Variants in RFX8 observed in about 807,000 individuals in gnomAD.
The protein encoded by RFX8 is regulatory factor X8, also known as DNA-binding protein RFX8.
In RFX8, 46 loss-of-function variants were observed where a neutral mutation model predicts 54.6. The ratio of observed to expected loss-of-function variants is 0.84; its 90% CI spans 0.67 to 1.08. The LOEUF (loss-of-function observed/expected upper bound fraction) is 1.08. RFX8 is among the 50% of genes least tolerant of loss of function. The probability of loss-of-function intolerance (pLI) is 0.00; values close to 1 mark genes in which losing one functional copy is unlikely to be tolerated. For missense variants in RFX8, 536 were observed against 562.3 expected (o/e 0.95, Z 0.47); for synonymous variants, 192 against 209.5 (o/e 0.92, Z 0.72).
In RFX8 at chr2:101,437,759, G is replaced by A. The variant is rs538237483; in HGVS notation, c.73-15287C>T. Among the ~76,000 whole-genome samples, 230 of 60,726 alleles carry A rather than the reference G, an allele frequency of 3.8e-3. 1 individual carries two copies. The highest frequency in any genetic ancestry group is 9.3e-3 in the African/African-American group (217 of 23,344). 39.8% of individuals were successfully genotyped at this position (60,726 alleles called of 152,430 possible). ...CCAGATACTGACGTTGATACACTCT[G>A]CTGATCTTAAATTTCCCAAGTTTTA... On this transcript the variant is annotated intron_variant, in intron 2 of 11. Transcript: ENST00000428343.
chr2:101,450,603 C>T lies in RFX8; in HGVS notation c.72+16174G>A, dbSNP rs188952239. 5,272 of 1,485,402 alleles carry T rather than the reference C, an allele frequency of 3.5e-3. 16 individuals are homozygous for T. The highest frequency in any genetic ancestry group is 4.5e-3 in the Admixed American group (230 of 50,710). 92.0% of individuals were successfully genotyped at this position (1,485,402 alleles called of 1,614,324 possible). A position where few individuals can be genotyped will look rare whatever the true frequency, so the allele number is the denominator to read the frequency against. ...AATGATAGCTACTAACCTGTGATAC[C>T]TTTTTTCACCTATCAGGTAGCAATA... On this transcript the variant is annotated intron_variant, in intron 2 of 11. Coordinates refer to ENST00000428343, the MANE Select transcript of RFX8 (RefSeq NM_001145664.2).
intron 6 of RFX8, among the ~76,000 whole-genome samples, chr2:101,415,300 C>T (rs931777982): frequency 1.5e-4 from 23 of 152,184 alleles, no homozygotes; most frequent in Admixed American, 3.3e-4. Context: ...CAGAGAGACC[C>T]CTTGCCTCTT....
intron 2 of RFX8, among the ~76,000 whole-genome samples, chr2:101,434,342 T>C (rs1687653223): frequency 6.6e-6 from 1 of 152,240 alleles, no homozygotes; most frequent in Non-Finnish European, 1.5e-5. Context: ...GTGGTTTAGC[T>C]GTTTTCTGCA....
At chr2:101,429,048 AT>A in intron 2 of RFX8, 1 of 1,425,176 alleles carries the variant, frequency 7.0e-7, no homozygotes, top group Non-Finnish European at 9.6e-7. Context: ...CAGAGAAGTA[AT>A]TTTAGCAAGA....
chr2:101,464,657 G>A (rs7574003), intron 2 of RFX8, among the ~76,000 whole-genome samples: 61,209 of 152,012 alleles, frequency 0.4, 14,419 homozygotes, highest in Non-Finnish European at 0.5. Flanking sequence ...TTTCCAATGA[G>A]AGCTGAAAGT....
intron 9 of RFX8, among the ~76,000 whole-genome samples, chr2:101,410,361 A>C (rs1686044851): frequency 6.8e-6 from 1 of 146,406 alleles, no homozygotes; most frequent in African/African-American, 2.6e-5. Context: ...CTCCACACAC[A>C]CTCCCACACA....
Position 101,469,330 on chromosome 2 carries a change from A to T in RFX8, c.-52-2430T>A, listed in dbSNP as rs79253920. On this transcript the variant is annotated intron_variant, in intron 1 of 11. Transcript: ENST00000428343. ...ACCATGTCCAGATACTTAAAAAAAA[A>T]TTTTTGTAGAGACGGTCTCACTATG... Among the ~76,000 whole-genome samples, 28 of 134,822 alleles carry T rather than the reference A, an allele frequency of 2.1e-4. No homozygotes were observed. The South Asian group carries it at 4.6e-3, about 22-fold the overall frequency. The allele number at this position is 134,822 out of a possible 152,430, so 88.4% of individuals were successfully genotyped here.
At chr2:101,452,440 T>C in intron 2 of RFX8, 1 of 1,351,684 alleles carries the variant, frequency 7.4e-7, no homozygotes, top group Non-Finnish European at 9.5e-7. Flanking sequence ...AAAACCAATC[T>C]CACAAGCTAA....
At position 101,410,659 on chromosome 2, in the gene RFX8, A is replaced by G; in HGVS notation, c.773T>C (p.Leu258Pro). The G allele has an allele frequency of 6.5e-7, 1 of 1,547,836 alleles. No individual in the cohort carries two copies. The highest frequency in any genetic ancestry group is 8.7e-7 in the Non-Finnish European group (1 of 1,143,532). Residue 258 changes from leucine to proline, a missense_variant, in exon 9 of 12, where the codon CTC becomes CCC. By Grantham distance (98) the Leu-to-Pro change is moderately conservative. Coordinates refer to ENST00000428343, the MANE Select transcript of RFX8 (RefSeq NM_001145664.2). ...TTGGAGATGTGAAGACAGACAGCTG[A>G]GGAATACCCTGAGATCTGTTGATGT... ...LGTSTDLRVFLSCLSSHLQAF... is the reference protein window; with the variant it reads ...LGTSTDLRVFPSCLSSHLQAF...
chr2:101,455,295 G>T (rs549279010), intron 2 of RFX8, among the ~76,000 whole-genome samples: 1 of 152,218 alleles, frequency 6.6e-6, no homozygotes, highest in Non-Finnish European at 1.5e-5. Context: ...TTACAGGTGT[G>T]AGCCACCATG....
chr2:101,439,769 A>G (rs7561022), intron 2 of RFX8, among the ~76,000 whole-genome samples: 114,376 of 151,152 alleles, frequency 0.76, 44,233 homozygotes, highest in Middle Eastern at 0.88. Context: ...CTGGAGTTCA[A>G]TGGCACAATC....
At chr2:101,471,688 C>T (rs1280808511) in intron 1 of RFX8, among the ~76,000 whole-genome samples, 3 of 152,202 alleles carry the variant, frequency 2.0e-5, no homozygotes, top group Admixed American at 6.5e-5. Context: ...CACCTCTCCC[C>T]GTTTCTGCAG....
chr2:101,451,391 G>C (rs1688670308), intron 2 of RFX8, among the ~76,000 whole-genome samples: 1 of 152,114 alleles, frequency 6.6e-6, no homozygotes, highest in Non-Finnish European at 1.5e-5. Context: ...TTTCACGTTA[G>C]AAATACAACC....
Position 101,474,225 on chromosome 2 carries a change from G to A in RFX8, c.-53+411C>T, listed in dbSNP as rs755688271. On this transcript the variant is annotated intron_variant, in intron 1 of 11. Transcript: ENST00000428343. ...ACCACTGGATGACGCCGCTGTGCGG[G>A]CCCCGGCTACCCTCGCCGCTCGACG... 4 of 611,184 alleles carry A rather than the reference G, an allele frequency of 6.5e-6. No homozygotes were observed. In the South Asian group the frequency reaches 6.8e-5, roughly 10 times the overall value. The allele number at this position is 611,184 out of a possible 1,614,324, so 37.9% of individuals were successfully genotyped here. A position where few individuals can be genotyped will look rare whatever the true frequency, so the allele number is the denominator to read the frequency against.
intron 2 of RFX8, among the ~76,000 whole-genome samples, chr2:101,426,595 A>G (rs966901304): frequency 1.3e-5 from 2 of 152,210 alleles, no homozygotes; most frequent in African/African-American, 4.8e-5. Flanking sequence ...AAAAATGACC[A>G]TTGAGAAATT....
intron 7 of RFX8, among the ~76,000 whole-genome samples, chr2:101,413,813 G>T (rs1413688322): frequency 6.6e-6 from 1 of 152,194 alleles, no homozygotes; most frequent in African/African-American, 2.4e-5. Flanking sequence ...GAGCCCTGGA[G>T]AACAGGACTG....
At chr2:101,460,023 G>T (rs1317317300) in intron 2 of RFX8, among the ~76,000 whole-genome samples, 2 of 152,362 alleles carry the variant, frequency 1.3e-5, no homozygotes, top group East Asian at 1.9e-4. Flanking sequence ...AGGGAGCAAG[G>T]CTCCATGGGC....
chr2:101,410,567 T>A, intron 9 of RFX8, 52 bp downstream of exon 9: 1 of 949,286 alleles, frequency 1.1e-6, no homozygotes, highest in East Asian at 2.6e-5. Flanking sequence ...GGGCACTCAT[T>A]TATCTAGAAT....
chr2:101,455,591 C>A (rs7587354), intron 2 of RFX8, among the ~76,000 whole-genome samples: 4 of 151,646 alleles, frequency 2.6e-5, no homozygotes, highest in Non-Finnish European at 4.4e-5. Context: ...GTTTTGGTAC[C>A]AGTACCATGC....
Sources: gnomAD v4.1 joint callset for allele counts (sites outside exome capture counted in the v4.1 genomes callset) on GRCh38, gnomAD v4.1.1 for gene constraint, MANE v1.5 for transcripts, NCBI Gene and HGNC (gene_info 2026-07-23, HGNC 2026-07-21) for gene names.